Variants in NAALADL2 observed in about 807,000 individuals in gnomAD.
NAALADL2 encodes inactive N-acetylated-alpha-linked acidic dipeptidase-like protein 2.
In NAALADL2, 76 loss-of-function variants were observed where a neutral mutation model predicts 87.2. The observed-to-expected ratio is 0.87, with a 90% CI of 0.72 to 1.05. The LOEUF is 1.05. Ranked by LOEUF, NAALADL2 falls within the 50% of genes least tolerant of loss-of-function variation. NAALADL2 has a pLI of 0.00. For synonymous variants in NAALADL2, 354 were observed against 331.0 expected (o/e 1.07, Z -0.75); for missense variants, 1,089 against 945.8 (o/e 1.15, Z -1.99).
intron 5 of NAALADL2, among the ~76,000 whole-genome samples, chr3:175,422,323 A>G (rs1715841473): frequency 6.6e-6 from 1 of 152,088 alleles, no homozygotes; most frequent in African/African-American, 2.4e-5. Context: ...GAGAGTTGGA[A>G]AAGTTTATTA....
At chr3:175,669,166 G>A (rs1733600337) in intron 11 of NAALADL2, among the ~76,000 whole-genome samples, 1 of 151,842 alleles carries the variant, frequency 6.6e-6, no homozygotes, top group Middle Eastern at 3.2e-3. Flanking sequence ...AAAGGGAAAA[G>A]TGCAGCCCAA....
At chr3:175,313,144 T>C (rs1188444932) in intron 4 of NAALADL2, among the ~76,000 whole-genome samples, 3 of 152,162 alleles carry the variant, frequency 2.0e-5, no homozygotes, top group Non-Finnish European at 2.9e-5. Context: ...TCTCTTCTTT[T>C]GCTTCTGAGT....
chr3:174,524,647 C>T (rs1720563343), intron 1 of NAALADL2, among the ~76,000 whole-genome samples: 2 of 151,748 alleles, frequency 1.3e-5, no homozygotes, highest in South Asian at 4.2e-4. Context: ...TGGGCTTAAG[C>T]CATCCTCCCA....
At chr3:174,534,153 T>A (rs1032227046) in intron 1 of NAALADL2, among the ~76,000 whole-genome samples, 1 of 152,192 alleles carries the variant, frequency 6.6e-6, no homozygotes, top group Admixed American at 6.5e-5. Flanking sequence ...ATTTCTTATG[T>A]CTGTGTACAT....
intron 2 of NAALADL2, among the ~76,000 whole-genome samples, chr3:175,098,463 A>T (rs1301441405): frequency 1.3e-5 from 2 of 152,126 alleles, no homozygotes; most frequent in African/African-American, 4.8e-5. Flanking sequence ...GTCTAGAGGG[A>T]GAAAGTGATG....
intron 1 of NAALADL2, among the ~76,000 whole-genome samples, chr3:174,525,158 A>G (rs1720625613): frequency 6.6e-6 from 1 of 152,250 alleles, no homozygotes; most frequent in East Asian, 1.9e-4. Context: ...TCATTAAGCA[A>G]CACATGACTG....
intron 1 of NAALADL2, among the ~76,000 whole-genome samples, chr3:174,978,688 A>G (rs1396311860): frequency 2.0e-5 from 3 of 152,242 alleles, no homozygotes; most frequent in African/African-American, 7.2e-5. Flanking sequence ...TGGCTGAGGT[A>G]AAACTCTGAA....
chr3:174,920,077 A>G (rs1399066548), intron 1 of NAALADL2, among the ~76,000 whole-genome samples: 1 of 152,210 alleles, frequency 6.6e-6, no homozygotes, highest in Non-Finnish European at 1.5e-5. Context: ...GTTCCATTTT[A>G]TAGAGTACAT....
intron 11 of NAALADL2, among the ~76,000 whole-genome samples, chr3:175,643,325 A>C (rs1186399559): frequency 6.6e-6 from 1 of 152,222 alleles, no homozygotes; most frequent in Admixed American, 6.5e-5. Context: ...ATTCTTGTAC[A>C]TGTCCCTGGT....
intron 1 of NAALADL2, among the ~76,000 whole-genome samples, chr3:174,550,255 G>A (rs1329856383): frequency 2.0e-5 from 3 of 151,942 alleles, no homozygotes; most frequent in Non-Finnish European, 4.4e-5. Flanking sequence ...GTTTCCTAGT[G>A]ACAAATGTTA....
intron 3 of NAALADL2, among the ~76,000 whole-genome samples, chr3:175,252,744 A>T (rs1175660971): frequency 6.6e-6 from 1 of 152,164 alleles, no homozygotes; most frequent in Non-Finnish European, 1.5e-5. Flanking sequence ...TTAAAATGCT[A>T]CTCTAGTGAA....
chr3:175,666,420 C>T (rs1287087200), intron 11 of NAALADL2, among the ~76,000 whole-genome samples: 2 of 152,094 alleles, frequency 1.3e-5, no homozygotes, highest in Admixed American at 1.3e-4. Flanking sequence ...AATTTGTTGT[C>T]TCTGTTTTAT....
intron 11 of NAALADL2, among the ~76,000 whole-genome samples, chr3:175,715,988 C>A (rs1440154268): frequency 1.3e-5 from 2 of 151,144 alleles, no homozygotes; most frequent in Non-Finnish European, 2.9e-5. Context: ...TTATTTAAAC[C>A]TACTGTAAGG....
intron 1 of NAALADL2, among the ~76,000 whole-genome samples, chr3:174,491,751 C>T (rs1464370565): frequency 2.0e-5 from 3 of 152,112 alleles, no homozygotes; most frequent in Middle Eastern, 3.2e-3. Context: ...TTCATGATTA[C>T]TTCTCAAAGG....
chr3:174,898,659 A>G (rs1731921322), intron 1 of NAALADL2, among the ~76,000 whole-genome samples: 1 of 151,972 alleles, frequency 6.6e-6, no homozygotes, highest in Non-Finnish European at 1.5e-5. Flanking sequence ...AATTTAAGAA[A>G]TAAATAAAAA....
chr3:175,458,628 CAA>C (rs1421247487), intron 6 of NAALADL2, among the ~76,000 whole-genome samples: 1 of 149,066 alleles, frequency 6.7e-6, no homozygotes, highest in Non-Finnish European at 1.5e-5. Flanking sequence ...ATATCAATAT[CAA>C]GTTTTATTTA....
chr3:174,560,078 A>G (rs1047047468), intron 2 of NAALADL2, among the ~76,000 whole-genome samples: 3 of 152,204 alleles, frequency 2.0e-5, no homozygotes, highest in African/African-American at 7.2e-5. Context: ...TAAGTTTTAG[A>G]TAGATGTTTC....
intron 1 of NAALADL2, among the ~76,000 whole-genome samples, chr3:174,964,369 G>T (rs1243002806): frequency 6.6e-6 from 1 of 152,062 alleles, no homozygotes; most frequent in Non-Finnish European, 1.5e-5. Context: ...GGAAGGAAAT[G>T]AATATGACTA....
At chr3:175,483,333 T>C (rs1222064024) in intron 9 of NAALADL2, among the ~76,000 whole-genome samples, 2 of 151,540 alleles carry the variant, frequency 1.3e-5, no homozygotes, top group Non-Finnish European at 2.9e-5. Context: ...TGGCTTTTTT[T>C]TTTTTTTTAA....
Sources: gnomAD v4.1 joint callset for allele counts (sites outside exome capture counted in the v4.1 genomes callset) on GRCh38, gnomAD v4.1.1 for gene constraint, MANE v1.5 for transcripts, NCBI Gene and HGNC (gene_info 2026-07-23, HGNC 2026-07-21) for gene names.